DHDH: variants seen among roughly 807,000 people sequenced by gnomAD.
DHDH encodes the protein trans-1,2-dihydrobenzene-1,2-diol dehydrogenase.
A neutral mutation model predicts 33.2 loss-of-function variants in DHDH; 29 were observed. The ratio of observed to expected loss-of-function variants is 0.87; its 90% CI spans 0.65 to 1.19. DHDH has a LOEUF of 1.19. DHDH is among the 50% of genes most tolerant of loss of function. The pLI, the probability that DHDH is intolerant of heterozygous loss-of-function variation, is 0.00. For synonymous variants in DHDH, 201 were observed against 187.9 expected (o/e 1.07, Z -0.57); for missense variants, 431 against 455.0 (o/e 0.95, Z 0.48).
In DHDH at chr19:48,939,537, C is replaced by A; in HGVS notation, c.455C>A (p.Ala152Glu). The A allele has an allele frequency of 6.2e-7, 1 of 1,614,038 alleles. No individual in the cohort carries two copies. Among genetic ancestry groups the A allele is most frequent in the Non-Finnish European group, 8.5e-7 (1 of 1,180,012 alleles). Residue 152 changes from alanine (A) to glutamate (E), a missense_variant, in exon 4 of 7, where the codon GCA becomes GAA. Coordinates refer to ENST00000221403, the MANE Select transcript of DHDH (RefSeq NM_014475.4). ...CTAGGAGACCTCCGGGTGGCTCGGG[C>A]AGAATTTGGGAAGAATCTCATCCAC... Reference protein sequence around the residue: ...GTLGDLRVARAEFGKNLIHVP... With the variant: ...GTLGDLRVAREEFGKNLIHVP...
chr19:48,936,013 T>C lies in DHDH; in HGVS notation c.203-19T>C. On this transcript the variant is annotated intron_variant, in intron 2 of 6. Transcript: ENST00000221403. Reference sequence around the variant, plus strand: ...TGGGTGGGCGGGGCTGCTGACCTCTTGACCTACTCCCACCCTAGAGGTGGC... The same window carrying C: ...TGGGTGGGCGGGGCTGCTGACCTCTCGACCTACTCCCACCCTAGAGGTGGC... The C allele has an allele frequency of 6.3e-7, 1 of 1,582,416 alleles. No individual in the cohort carries two copies. The highest frequency in any genetic ancestry group is 8.6e-7 in the Non-Finnish European group (1 of 1,166,232).
At chr19:48,939,411 A>G in intron 3 of DHDH, 38 bp from the exon 4 acceptor site, 1 of 1,591,010 alleles carries the variant, frequency 6.3e-7, no homozygotes, top group Non-Finnish European at 8.6e-7. Flanking sequence ...AGAAGGGATT[A>G]GAACTGGTTG....
chr19:48,937,570 C>T (rs894578774), intron 3 of DHDH, among the ~76,000 whole-genome samples: 4 of 151,420 alleles, frequency 2.6e-5, no homozygotes, highest in Admixed American at 1.3e-4. Flanking sequence ...CCCAGCACTT[C>T]GAGAGGCAGA....
chr19:48,944,130 C>T (rs1040155600), intron 5 of DHDH, among the ~76,000 whole-genome samples: 42 of 151,668 alleles, frequency 2.8e-4, no homozygotes, highest in African/African-American at 9.8e-4. Flanking sequence ...GAGGTTTGCT[C>T]CTGGGGAGAC....
At chr19:48,934,121 A>G (rs568505874) in intron 1 of DHDH, among the ~76,000 whole-genome samples, 6 of 152,360 alleles carry the variant, frequency 3.9e-5, no homozygotes, top group African/African-American at 1.4e-4. Flanking sequence ...TGCTCACAGA[A>G]ACATGTCCTG....
intron 4 of DHDH, among the ~76,000 whole-genome samples, chr19:48,941,662 C>T (rs1328359937): frequency 1.3e-5 from 2 of 149,612 alleles, no homozygotes; most frequent in African/African-American, 2.5e-5. Context: ...GGATTACAGG[C>T]ATGAACCACC....
intron 5 of DHDH, among the ~76,000 whole-genome samples, chr19:48,943,999 AAAAG>A (rs547584496): frequency 1.8e-4 from 28 of 152,056 alleles, no homozygotes; most frequent in East Asian, 3.9e-4. Context: ...CATCTCAAAA[AAAAG>A]AAAGAAAGAA....
At position 48,942,424 on chromosome 19, in the gene DHDH, C is replaced by A. The variant is rs1014947018; in HGVS notation, c.620-16C>A. On this transcript the variant is annotated splice_polypyrimidine_tract_variant and intron_variant, in intron 4 of 6. Coordinates refer to ENST00000221403, the MANE Select transcript of DHDH (RefSeq NM_014475.4). ...TGCCCTGAGAGACCCTGCCCTGACC[C>A]AGGACTTCCCTCCAGGTGTGGATGA... 1 of 1,594,400 alleles carries A rather than the reference C, an allele frequency of 6.3e-7. No individual in the cohort carries two copies. The highest frequency in any genetic ancestry group is 1.3e-5 in the African/African-American group (1 of 74,630).
At chr19:48,941,985 C>CATGTGTGTGTGTGTGT (rs978940043) in intron 4 of DHDH, among the ~76,000 whole-genome samples, 1 of 132,148 alleles carries the variant, frequency 7.6e-6, no homozygotes, top group African/African-American at 3.0e-5. Context: ...GACTGTACTT[C>CATGTGTGTGTGTGTGT]GTGTGTGTGT....
chr19:48,935,926 C>A, intron 2 of DHDH, 106 bp from the exon 3 acceptor site: 1 of 1,434,886 alleles, frequency 7.0e-7, no homozygotes, highest in South Asian at 1.3e-5. Flanking sequence ...GGGGTGTGAC[C>A]GACCACCTGG....
At chr19:48,942,264 A>G (rs2037873858) in intron 4 of DHDH, among the ~76,000 whole-genome samples, 176 bp from the exon 5 acceptor site, 1 of 152,016 alleles carries the variant, frequency 6.6e-6, no homozygotes, top group African/African-American at 2.4e-5. Flanking sequence ...TCAGCCTCCC[A>G]AAGTGCTGGG....
At chr19:48,944,242 T>C in intron 5 of DHDH, 115 bp from the exon 6 acceptor site, 1 of 1,433,374 alleles carries the variant, frequency 7.0e-7, no homozygotes. Flanking sequence ...CAGGGCAAGC[T>C]CTTAGCCACC....
At chr19:48,933,912 G>A (rs955780904) in intron 1 of DHDH, 101 bp downstream of exon 1, 27 of 1,030,568 alleles carry the variant, frequency 2.6e-5, no homozygotes, top group South Asian at 1.9e-4. Context: ...TGAGTGGGTC[G>A]TCATTGCAGT....
Position 48,944,368 on chromosome 19 carries a change from C to T in DHDH, c.756C>T (p.Pro252=). 6.2e-7 allele frequency: 1 copy of T among 1,614,102 alleles called. No homozygotes were observed. Among genetic ancestry groups the T allele is most frequent in the African/African-American group, 1.3e-5 (1 of 75,064 alleles). ...TTCTCTCCCTCCAGCTCCTCAACCCCTGCTGGTGCCCGACCGAGCTGGTGG... is the reference window on the plus strand; with the variant it reads ...TTCTCTCCCTCCAGCTCCTCAACCCTTGCTGGTGCCCGACCGAGCTGGTGG... ...GTKGMVQLLN[P]CWCPTELVVK... is the part of the protein sequence containing the mutation. The change falls in exon 6 of 7, where the codon CCC becomes CCT. Residue 252 remains proline, a synonymous_variant. Transcript: ENST00000221403.
Position 48,936,132 on chromosome 19 carries a change from G to A in DHDH, c.303G>A (p.Val101=). Residue 101 remains valine, a synonymous_variant, in exon 3 of 7, where the codon GTG becomes GTA. Coordinates refer to ENST00000221403, the MANE Select transcript of DHDH (RefSeq NM_014475.4). ...KAVLCEKPTG[V]NAAEVREMVA... Reference sequence around the variant, plus strand: ...TTCTGTGCGAGAAGCCCACGGGCGTGAACGCGGCGGAAGTTCGCGAGATGG... The same window carrying A: ...TTCTGTGCGAGAAGCCCACGGGCGTAAACGCGGCGGAAGTTCGCGAGATGG... The A allele has an allele frequency of 6.2e-7, 1 of 1,610,110 alleles. No homozygotes were observed. Among genetic ancestry groups the A allele is most frequent in the Non-Finnish European group, 8.5e-7 (1 of 1,178,978 alleles).
At position 48,935,004 on chromosome 19, in the gene DHDH, TGGCGGTGGC is replaced by T; in HGVS notation, c.99_107del (p.Val34_Ala36del). On this transcript the variant is annotated inframe_deletion, in exon 2 of 7. Transcript: ENST00000221403. Reference sequence around the variant, plus strand: ...CCGATTCTTGTGCCCCTCCAGGTGGTGGCGGTGGCGGCCCGCGATCTGAGCCGTGCGAAG... The same window carrying T: ...CCGATTCTTGTGCCCCTCCAGGTGGTGGCCCGCGATCTGAGCCGTGCGAAG... 7.1e-6 allele frequency: 11 copies of T among 1,558,324 alleles called. No homozygotes were observed. The highest frequency in any genetic ancestry group is 9.5e-6 in the Non-Finnish European group (11 of 1,154,530).
At chr19:48,934,856 G>A in intron 1 of DHDH, 144 bp from the exon 2 acceptor site, 1 of 537,828 alleles carries the variant, frequency 1.9e-6, no homozygotes, top group Non-Finnish European at 3.1e-6. Flanking sequence ...CTCTTTCCCA[G>A]GGCCCAAATG....
Position 48,936,170 on chromosome 19 carries a change from G to T in DHDH, c.341G>T (p.Arg114Leu). ...AEVREMVAEARSRALFLMEAI... is the reference protein window; with the variant it reads ...AEVREMVAEALSRALFLMEAI... ...GTTCGCGAGATGGTCGCGGAGGCCC[G>T]ATCCCGAGCCCTCTTCCTTATGGAG... The change falls in exon 3 of 7, where the codon CGA (arginine) becomes CTA (leucine). Residue 114 changes from arginine (R) to leucine (L), a missense_variant. Transcript: ENST00000221403. 6.2e-7 allele frequency: 1 copy of T among 1,600,876 alleles called. No individual in the cohort carries two copies. The highest frequency in any genetic ancestry group is 8.5e-7 in the Non-Finnish European group (1 of 1,175,060).
At position 48,933,822 on chromosome 19, in the gene DHDH, C is replaced by T; in HGVS notation, c.90+11C>T. The T allele has an allele frequency of 6.2e-7, 1 of 1,606,524 alleles. No homozygotes were observed. On this transcript the variant is annotated intron_variant, in intron 1 of 6. Transcript: ENST00000221403. The stretch of plus-strand genomic sequence containing the variant: ...CGCTCTGAGCACCAGGTCTGCCCGC[C>T]CTCCGGATTCTGGGGAAGAGGAGGC...
Sources: gnomAD v4.1 joint callset for allele counts (sites outside exome capture counted in the v4.1 genomes callset) on GRCh38, gnomAD v4.1.1 for gene constraint, MANE v1.5 for transcripts, NCBI Gene and HGNC (gene_info 2026-07-23, HGNC 2026-07-21) for gene names.